Variants in SEMA6D observed in about 807,000 individuals in gnomAD.
SEMA6D encodes the protein semaphorin-6D.
In SEMA6D, 35 loss-of-function variants were observed where a neutral mutation model predicts 106.6. The ratio of observed to expected loss-of-function variants is 0.33; its 90% CI spans 0.25 to 0.44. The LOEUF (loss-of-function observed/expected upper bound fraction) is 0.44. Ranked by LOEUF, SEMA6D falls within the 20% of genes least tolerant of loss-of-function variation. The pLI, the probability that SEMA6D is intolerant of heterozygous loss-of-function variation, is 1.00. For missense variants in SEMA6D, 1,185 were observed against 1,345.9 expected (o/e 0.88, Z 1.87); for synonymous variants, 499 against 487.7 (o/e 1.02, Z -0.31).
intron 1 of SEMA6D, among the ~76,000 whole-genome samples, chr15:47,746,662 A>T (rs1153819): frequency 0.89 from 135,740 of 152,142 alleles, 61,002 homozygotes; most frequent in Middle Eastern, 0.95. Flanking sequence ...CTGAACAGAA[A>T]GTCACATGCA....
At chr15:47,323,025 G>A (rs1396287891) in intron 1 of SEMA6D, among the ~76,000 whole-genome samples, 2 of 152,118 alleles carry the variant, frequency 1.3e-5, no homozygotes, top group African/African-American at 2.4e-5. Context: ...TACCTGTCTT[G>A]TTTATAAATT....
intron 1 of SEMA6D, among the ~76,000 whole-genome samples, chr15:47,368,589 G>C (rs2039150400): frequency 6.6e-6 from 1 of 151,788 alleles, no homozygotes. Context: ...TCCTGCCTCA[G>C]CCTCCCAAGT....
At chr15:47,714,738 T>A (rs2079079858), upstream of SEMA6D, among the ~76,000 whole-genome samples, 1 of 152,244 alleles carries the variant, frequency 6.6e-6, no homozygotes, top group Non-Finnish European at 1.5e-5. Flanking sequence ...AGTACTTTGC[T>A]GAGTCCTGGG....
chr15:47,197,162 A>G (rs1894416806), intron 1 of SEMA6D, among the ~76,000 whole-genome samples: 1 of 152,122 alleles, frequency 6.6e-6, no homozygotes, highest in Non-Finnish European at 1.5e-5. Context: ...GGTACTTTCA[A>G]GAACAGTTGT....
At chr15:47,197,504 CT>C (rs34468502) in intron 1 of SEMA6D, among the ~76,000 whole-genome samples, 255 of 139,870 alleles carry the variant, frequency 1.8e-3, no homozygotes, top group East Asian at 2.9e-3. Flanking sequence ...TTGCAAGTGT[CT>C]TTTTTTTTTT....
intron 1 of SEMA6D, among the ~76,000 whole-genome samples, chr15:47,263,476 G>A (rs1281604704): frequency 1.3e-5 from 2 of 152,078 alleles, no homozygotes; most frequent in Non-Finnish European, 2.9e-5. Context: ...TCAGAGAAAT[G>A]CAAATCAAAA....
At chr15:47,352,497 C>G (rs1354219647) in intron 1 of SEMA6D, among the ~76,000 whole-genome samples, 1 of 152,146 alleles carries the variant, frequency 6.6e-6, no homozygotes, top group African/African-American at 2.4e-5. Flanking sequence ...GAGGAAATGC[C>G]CCATCAGAAG....
At chr15:47,468,113 A>G (rs369790659) in intron 2 of SEMA6D, among the ~76,000 whole-genome samples, 2 of 152,094 alleles carry the variant, frequency 1.3e-5, no homozygotes, top group Non-Finnish European at 2.9e-5. Context: ...ATACAGTACA[A>G]TCAAGAAAAT....
chr15:47,295,740 G>C (rs877347), intron 1 of SEMA6D, among the ~76,000 whole-genome samples: 9 of 152,044 alleles, frequency 5.9e-5, no homozygotes, highest in African/African-American at 2.2e-4. Flanking sequence ...TCAGAGTTAC[G>C]TTTAAAATTT....
At chr15:47,293,253 G>T (rs2035664815) in intron 1 of SEMA6D, among the ~76,000 whole-genome samples, 2 of 152,128 alleles carry the variant, frequency 1.3e-5, no homozygotes, top group African/African-American at 2.4e-5. Context: ...GGTGTATCTT[G>T]CTTCCACTGG....
intron 2 of SEMA6D, among the ~76,000 whole-genome samples, chr15:47,414,208 A>G (rs1349139319): frequency 1.3e-5 from 2 of 152,198 alleles, no homozygotes; most frequent in Non-Finnish European, 2.9e-5. Flanking sequence ...TCTGAATATT[A>G]CATTCCCCTT....
chr15:47,194,468 G>A (rs145067748), intron 1 of SEMA6D, among the ~76,000 whole-genome samples: 118 of 152,146 alleles, frequency 7.8e-4, no homozygotes, highest in Admixed American at 1.8e-3. Flanking sequence ...CTAGGGAGTG[G>A]GCAGGGTTGA....
At chr15:47,473,473 C>T (rs908108693) in intron 3 of SEMA6D, among the ~76,000 whole-genome samples, 2 of 152,060 alleles carry the variant, frequency 1.3e-5, no homozygotes, top group Non-Finnish European at 2.9e-5. Flanking sequence ...TGCTGAAGTC[C>T]CCTGACTCAC....
chr15:47,526,187 A>G (rs1402034912), intron 3 of SEMA6D, among the ~76,000 whole-genome samples: 1 of 152,162 alleles, frequency 6.6e-6, no homozygotes, highest in Non-Finnish European at 1.5e-5. Flanking sequence ...CCATTCCTGC[A>G]GGACTTTGCT....
chr15:47,524,939 A>C lies in SEMA6D; in HGVS notation c.-87+54394A>C, dbSNP rs375092139. Among the ~76,000 whole-genome samples the C allele has an allele frequency of 5.9e-5, 9 of 152,176 alleles. No individual in the cohort carries two copies. In the East Asian group the frequency reaches 1.5e-3, roughly 26 times the overall value. The stretch of plus-strand genomic sequence containing the variant: ...GACAAAAAAAGGGTTCCTTCATGAA[A>C]GTGCTCACGGACACCTGAGCATCTC... On this transcript the variant is annotated intron_variant, in intron 3 of 19. Coordinates refer to the SEMA6D transcript ENST00000558014.
chr15:47,523,711 C>G (rs2141969324), intron 3 of SEMA6D, among the ~76,000 whole-genome samples: 1 of 152,286 alleles, frequency 6.6e-6, no homozygotes, highest in South Asian at 2.1e-4. Flanking sequence ...GTGGATCAAC[C>G]AGAACTCTCC....
At chr15:47,274,761 G>T (rs1326063745) in intron 1 of SEMA6D, 1 of 152,280 alleles carries the variant, frequency 6.6e-6, no homozygotes, top group Non-Finnish European at 1.5e-5. Context: ...GTTCCCTGAT[G>T]TTCTATCACA....
At chr15:47,453,842 T>TA (rs1395075851) in intron 2 of SEMA6D, among the ~76,000 whole-genome samples, 1 of 151,858 alleles carries the variant, frequency 6.6e-6, no homozygotes, top group African/African-American at 2.4e-5. Context: ...AGCTACAAGA[T>TA]AGAGTGGTCC....
At chr15:47,272,498 G>A in intron 1 of SEMA6D, 1 of 152,172 alleles carries the variant, frequency 6.6e-6, no homozygotes, top group East Asian at 1.9e-4. Flanking sequence ...TTGATCAAAA[G>A]TAATCTCAAA....
Sources: allele counts gnomAD v4.1 joint callset (sites outside exome capture counted in the v4.1 genomes callset), GRCh38; gene constraint gnomAD v4.1.1; transcripts MANE v1.5; gene names NCBI Gene and HGNC (gene_info 2026-07-23, HGNC 2026-07-21).